Variants in COL19A1 observed in about 807,000 individuals in gnomAD.
The protein encoded by COL19A1 is collagen alpha-1(XIX) chain.
In COL19A1, 159 loss-of-function variants were observed where a neutral mutation model predicts 190.2. The ratio of observed to expected loss-of-function variants is 0.84; its 90% CI spans 0.73 to 0.95. The LOEUF is 0.95. COL19A1 is among the 40% of genes least tolerant of loss of function. COL19A1 has a pLI of 0.00. For missense variants in COL19A1, 1,418 were observed against 1,431.9 expected (o/e 0.99, Z 0.16); for synonymous variants, 509 against 458.9 (o/e 1.11, Z -1.39).
chr6:70,008,764 G>GCA (rs539223661), intron 11 of COL19A1, among the ~76,000 whole-genome samples: 395 of 150,966 alleles, frequency 2.6e-3, no homozygotes, highest in Non-Finnish European at 4.5e-3. Context: ...AAAGAGAGAT[G>GCA]CACACACACA....
rs1197512152 is a variant in COL19A1 at position 70,137,706 on chromosome 6, T to A, written c.1405T>A (p.Phe469Ile). The stretch of plus-strand genomic sequence containing the variant: ...AAAGGGTGAAACTGGACTACCAGGA[T>A]TTCCAGGGTCTGTTGGCCCTAAAGG... ...GDKGETGLPGFPGSVGPKGQK... is the reference protein window; with the variant it reads ...GDKGETGLPGIPGSVGPKGQK... Residue 469 changes from phenylalanine (F) to isoleucine (I), a missense_variant, in exon 19 of 51, where the codon TTT (phenylalanine) becomes ATT (isoleucine). Transcript: ENST00000620364. 3 of 1,613,440 alleles carry A rather than the reference T, an allele frequency of 1.9e-6. No individual in the cohort carries two copies. Among genetic ancestry groups the A allele is most frequent in the Non-Finnish European group, 2.5e-6 (3 of 1,179,478 alleles).
At chr6:69,979,643 T>C (rs981745187) in intron 11 of COL19A1, among the ~76,000 whole-genome samples, 5 of 151,742 alleles carry the variant, frequency 3.3e-5, no homozygotes, top group African/African-American at 1.2e-4. Flanking sequence ...AAGTAACCTA[T>C]GTAGCACTAG....
At chr6:70,074,498 CAAAAAAAAAA>C (rs368408394) in intron 15 of COL19A1, among the ~76,000 whole-genome samples, 1 of 97,196 alleles carries the variant, frequency 1.0e-5, no homozygotes, top group Non-Finnish European at 2.0e-5. Context: ...GACTCCACCT[CAAAAAAAAAA>C]AAAAAAAAAG....
At chr6:70,169,638 CT>C (rs1226830950) in intron 40 of COL19A1, among the ~76,000 whole-genome samples, 1 of 152,150 alleles carries the variant, frequency 6.6e-6, no homozygotes, top group African/African-American at 2.4e-5. Flanking sequence ...TTGTTATCCC[CT>C]GAAAGCATTG....
chr6:70,197,410 G>A (rs1017011179), intron 48 of COL19A1, among the ~76,000 whole-genome samples: 1 of 151,908 alleles, frequency 6.6e-6, no homozygotes, highest in African/African-American at 2.4e-5. Context: ...GTGACAGAGT[G>A]AGACTCTATC....
chr6:70,115,834 T>TG (rs200088666), intron 16 of COL19A1, among the ~76,000 whole-genome samples: 20,690 of 147,940 alleles, frequency 0.14, 1,622 homozygotes, highest in Non-Finnish European at 0.16. Context: ...TGTTTTTTTT[T>TG]TTTTTTTTGG....
chr6:69,936,737 A>T, intron 7 of COL19A1, 48 bp from the exon 8 acceptor site: 5 of 1,601,840 alleles, frequency 3.1e-6, no homozygotes, highest in Non-Finnish European at 4.3e-6. Context: ...GGAACATGAG[A>T]ATGTTTGGAA....
chr6:70,165,792 G>T, intron 36 of COL19A1, 149 bp from the exon 37 acceptor site: 1 of 733,172 alleles, frequency 1.4e-6, no homozygotes, highest in South Asian at 1.7e-5. Flanking sequence ...GGGTAAAGGA[G>T]AGCCCAGCTG....
At chr6:70,144,769 G>C in intron 24 of COL19A1, 149 bp from the exon 25 acceptor site, 5 of 653,804 alleles carry the variant, frequency 7.6e-6, no homozygotes, top group Non-Finnish European at 1.1e-5. Flanking sequence ...AAATATTATT[G>C]AGTGAGTTGG....
At chr6:69,915,264 T>A (rs1771214426) in intron 4 of COL19A1, among the ~76,000 whole-genome samples, 1 of 152,202 alleles carries the variant, frequency 6.6e-6, no homozygotes, top group South Asian at 2.1e-4. Context: ...CAGGGCCTAG[T>A]CATGGAGAAC....
chr6:70,115,479 T>C (rs996438469), intron 16 of COL19A1, among the ~76,000 whole-genome samples: 5 of 152,176 alleles, frequency 3.3e-5, no homozygotes, highest in Middle Eastern at 3.2e-3. Context: ...ACATGAACCT[T>C]TAGTATTATA....
At chr6:70,032,507 A>G (rs1779128649) in intron 12 of COL19A1, among the ~76,000 whole-genome samples, 2 of 152,214 alleles carry the variant, frequency 1.3e-5, no homozygotes, top group Admixed American at 1.3e-4. Flanking sequence ...TTTTCTAGTA[A>G]CCAAATTAAG....
intron 4 of COL19A1, among the ~76,000 whole-genome samples, chr6:69,916,601 G>T (rs1322467028): frequency 6.6e-6 from 1 of 152,148 alleles, no homozygotes; most frequent in Non-Finnish European, 1.5e-5. Context: ...AGCCACGTAG[G>T]ATGTGCAAAT....
Position 69,872,735 on chromosome 6 carries a change from A to G in COL19A1, c.-33+6095A>G, listed in dbSNP as rs999191011. 5.9e-5 allele frequency among the ~76,000 whole-genome samples: 9 copies of G among 152,322 alleles called. 1 individual carries two copies. In the East Asian group the frequency reaches 1.4e-3, roughly 23 times the overall value. On this transcript the variant is annotated intron_variant, in intron 1 of 50. Transcript: ENST00000620364. The stretch of plus-strand genomic sequence containing the variant: ...ATCTTTTTGTTGCCATAAGAAATAT[A>G]TTACAGGGACGGCTGTCTGAATGAT...
intron 28 of COL19A1, 26 bp from the exon 29 acceptor site, chr6:70,149,825 C>A: frequency 6.2e-7 from 1 of 1,613,612 alleles, no homozygotes; most frequent in South Asian, 1.1e-5. Flanking sequence ...TCATAAGTAA[C>A]TGTTTTTATT....
chr6:70,161,127 C>A (rs1787774134), intron 34 of COL19A1, among the ~76,000 whole-genome samples: 1 of 152,094 alleles, frequency 6.6e-6, no homozygotes, highest in Admixed American at 6.6e-5. Context: ...GAGGGGAAAT[C>A]TATTCATTAT....
intron 40 of COL19A1, among the ~76,000 whole-genome samples, chr6:70,169,891 T>G (rs2150271233): frequency 6.6e-6 from 1 of 152,286 alleles, no homozygotes; most frequent in East Asian, 1.9e-4. Flanking sequence ...GAACATTCTT[T>G]GAAGTTCTTG....
intron 1 of COL19A1, among the ~76,000 whole-genome samples, chr6:69,874,295 C>T (rs1312300937): frequency 6.6e-6 from 1 of 152,086 alleles, no homozygotes; most frequent in Non-Finnish European, 1.5e-5. Flanking sequence ...CCGGTGCCTC[C>T]AGCAAGGTTT....
chr6:69,869,764 TGA>T (rs1767712870), intron 1 of COL19A1, among the ~76,000 whole-genome samples: 2 of 152,104 alleles, frequency 1.3e-5, no homozygotes, highest in African/African-American at 4.8e-5. Flanking sequence ...TTCAGAGAAG[TGA>T]GTCGGTAAAA....
Sources: gnomAD v4.1 joint callset for allele counts (sites outside exome capture counted in the v4.1 genomes callset) on GRCh38, gnomAD v4.1.1 for gene constraint, MANE v1.5 for transcripts, NCBI Gene and HGNC (gene_info 2026-07-23, HGNC 2026-07-21) for gene names.